Variants in RNASEH2B observed in about 807,000 individuals in gnomAD.
RNASEH2B encodes the protein ribonuclease H2 subunit B.
A neutral mutation model predicts 45.0 loss-of-function variants in RNASEH2B; 36 were observed. That is an observed-to-expected ratio of 0.80 (90% CI 0.61 to 1.06). The LOEUF (loss-of-function observed/expected upper bound fraction) is 1.06, where lower values mean the gene tolerates loss of function less well. RNASEH2B is among the 50% of genes least tolerant of loss of function. RNASEH2B has a pLI of 0.00. For missense variants in RNASEH2B, 361 were observed against 360.3 expected, an observed-to-expected ratio of 1.00 and a Z score of -0.02; for synonymous variants, 119 against 125.7, an observed-to-expected ratio of 0.95 and a Z score of 0.35.
intron 4 of RNASEH2B, among the ~76,000 whole-genome samples, chr13:50,933,662 G>A (rs146842014): frequency 0.012 from 1,844 of 152,218 alleles, 32 homozygotes; most frequent in African/African-American, 0.043. Flanking sequence ...TTCCTTCAAT[G>A]TATATATGGT....
intron 9 of RNASEH2B, among the ~76,000 whole-genome samples, chr13:50,964,203 T>TA (rs905856630): frequency 6.6e-6 from 1 of 151,524 alleles, no homozygotes; most frequent in Non-Finnish European, 1.5e-5. Context: ...CATCTCAAAA[T>TA]AAAAAAAAGA....
At chr13:50,929,415 T>G (rs980587217) in intron 2 of RNASEH2B, 60 bp from the exon 3 acceptor site, 58 of 965,370 alleles carry the variant, frequency 6.0e-5, no homozygotes, top group African/African-American at 1.3e-4. Flanking sequence ...TTTTGGGGTG[T>G]GTGTGTGTTT....
Position 50,954,144 on chromosome 13 carries a change from A to G in RNASEH2B, c.822+159A>G. 8.8e-6 allele frequency: 6 copies of G among 679,826 alleles called. No individual in the cohort carries two copies. The South Asian group carries it at 9.6e-5, about 11-fold the overall frequency. 42.1% of individuals were successfully genotyped at this position (679,826 alleles called of 1,614,324 possible). A position where few individuals can be genotyped will look rare whatever the true frequency, so the allele number is the denominator to read the frequency against. On this transcript the variant is annotated intron_variant, in intron 10 of 10. Transcript: ENST00000336617. ...ACTTAATAATTAAGAATTGCATATG[A>G]CAATGAAAATGTTAAGCAACTAAGA... is the stretch of plus-strand genomic sequence containing the variant.
chr13:50,949,163 C>T, intron 8 of RNASEH2B: 1 of 306,584 alleles, frequency 3.3e-6, no homozygotes, highest in Non-Finnish European at 6.1e-6. Flanking sequence ...AGAAAAAATA[C>T]TCCAACACCG....
At chr13:50,968,788 G>C (rs1952190526) in intron 9 of RNASEH2B, among the ~76,000 whole-genome samples, 1 of 152,160 alleles carries the variant, frequency 6.6e-6, no homozygotes, top group South Asian at 2.1e-4. Flanking sequence ...TAATTCAGCT[G>C]TCAGTGTTTT....
chr13:50,953,496 G>A (rs776041961), intron 9 of RNASEH2B: 6 of 224,908 alleles, frequency 2.7e-5, no homozygotes, highest in Non-Finnish European at 5.3e-5. Flanking sequence ...AACTGGCCCA[G>A]GAGGTAAATG....
At chr13:50,961,071 G>A (rs1300175677), downstream of RNASEH2B, among the ~76,000 whole-genome samples, 4 of 152,106 alleles carry the variant, frequency 2.6e-5, no homozygotes, top group African/African-American at 9.7e-5. Context: ...GGAGTAATAT[G>A]TCTTTCTCAG....
At position 50,934,937 on chromosome 13, in the gene RNASEH2B, G is replaced by A. The variant is rs1318402338; in HGVS notation, c.374G>A (p.Cys125Tyr). 8 of 1,613,886 alleles carry A rather than the reference G, an allele frequency of 5.0e-6. No individual in the cohort carries two copies. The Admixed American group carries it at 1.2e-4, about 24-fold the overall frequency. The stretch of plus-strand genomic sequence containing the variant: ...GTGGTGGATAACGTGTTTCCAAATT[G>A]CATCTTGTTGCTGAAACTTCCTGGA... Reference protein sequence around the residue: ...QVVVDNVFPNCILLLKLPGLE... With the variant: ...QVVVDNVFPNYILLLKLPGLE... The change falls in exon 5 of 11, where the codon TGC becomes TAC. Residue 125 changes from cysteine (C) to tyrosine (Y), a missense_variant. Cys to Tyr is a radical substitution (Grantham distance 194). Coordinates refer to ENST00000336617, the MANE Select transcript of RNASEH2B (RefSeq NM_024570.4).
rs1952056016 is a variant in RNASEH2B, at chr13:50,956,667, C to T, written c.*193C>T. 2 of 1,345,646 alleles carry T rather than the reference C, an allele frequency of 1.5e-6. No individual in the cohort carries two copies. Among genetic ancestry groups the T allele is most frequent in the Non-Finnish European group, 1.9e-6 (2 of 1,042,878 alleles). 83.4% of individuals were successfully genotyped at this position (1,345,646 alleles called of 1,614,324 possible). A position where few individuals can be genotyped will look rare whatever the true frequency, so the allele number is the denominator to read the frequency against. ...AAGTGTCTAACTTCATGGCTATGGC[C>T]TTTTGGAGTCTCATCTGACATAATG... On this transcript the variant is annotated 3_prime_UTR_variant, in exon 11 of 11. Transcript: ENST00000336617.
chr13:50,960,779 G>A (rs910066994), downstream of RNASEH2B, among the ~76,000 whole-genome samples: 8 of 152,188 alleles, frequency 5.3e-5, no homozygotes, highest in Non-Finnish European at 1.0e-4. Context: ...TTAGGCTTTA[G>A]CGTTAGAATT....
chr13:50,932,550 A>G (rs1192708541), intron 4 of RNASEH2B, among the ~76,000 whole-genome samples: 3 of 152,216 alleles, frequency 2.0e-5, no homozygotes, highest in Non-Finnish European at 4.4e-5. Context: ...TTTACCCACC[A>G]TTGCATTTGA....
intron 1 of RNASEH2B, chr13:50,910,367 T>A: frequency 2.7e-6 from 1 of 377,004 alleles, no homozygotes; most frequent in East Asian, 4.1e-5. Context: ...CGGGCCCTGA[T>A]CCCCGGTGGC....
intron 1 of RNASEH2B, among the ~76,000 whole-genome samples, chr13:50,925,552 ATAGT>A (rs779837767): frequency 2.6e-4 from 39 of 152,320 alleles, no homozygotes; most frequent in Admixed American, 4.6e-4. Context: ...AGTCCAGCAA[ATAGT>A]TAGGGCTGAC....
At chr13:50,927,671 T>G (rs1269334929) in intron 2 of RNASEH2B, among the ~76,000 whole-genome samples, 193 bp downstream of exon 2, 3 of 152,200 alleles carry the variant, frequency 2.0e-5, no homozygotes. Context: ...TTTTAAAAAT[T>G]TCTTCTCATA....
intron 6 of RNASEH2B, among the ~76,000 whole-genome samples, chr13:50,943,801 C>A (rs1190926903): frequency 1.3e-5 from 2 of 152,128 alleles, no homozygotes; most frequent in African/African-American, 4.8e-5. Flanking sequence ...CAAAGGTGTT[C>A]AGGTTTAGAG....
At chr13:50,910,334 C>A in intron 1 of RNASEH2B, 194 bp downstream of exon 1, 1 of 413,244 alleles carries the variant, frequency 2.4e-6, no homozygotes, top group Non-Finnish European at 4.2e-6. Flanking sequence ...CCGGAAGCGC[C>A]GAAAAGGACC....
Position 50,924,567 on chromosome 13 carries a change from G to GT in RNASEH2B, c.65-2832dup, listed in dbSNP as rs1335956048. ...ATATAGACAATTGAACAATAACAGT[G>GT]TTTTTTTTAGAGAAAGAGTCTCAGT... On this transcript the variant is annotated intron_variant, in intron 1 of 10. Coordinates refer to ENST00000336617, the MANE Select transcript of RNASEH2B (RefSeq NM_024570.4). Among the ~76,000 whole-genome samples the GT allele has an allele frequency of 7.9e-5, 12 of 152,032 alleles. No individual in the cohort carries two copies. The South Asian group carries it at 1.2e-3, about 16-fold the overall frequency.
intron 1 of RNASEH2B, chr13:50,915,406 T>G (rs958422811): frequency 4.3e-5 from 17 of 398,472 alleles, no homozygotes; most frequent in African/African-American, 3.1e-4. Flanking sequence ...TACTTATCCT[T>G]TAAACCCAGC....
At chr13:50,953,847 T>C (rs866929388) in intron 9 of RNASEH2B, 58 bp from the exon 10 acceptor site, 2 of 1,159,152 alleles carry the variant, frequency 1.7e-6, no homozygotes, top group Middle Eastern at 3.9e-4. Flanking sequence ...TTTTTTTTAA[T>C]GGATTGATGT....
Sources: gnomAD v4.1 joint callset for allele counts (sites outside exome capture counted in the v4.1 genomes callset) on GRCh38, gnomAD v4.1.1 for gene constraint, MANE v1.5 for transcripts, NCBI Gene and HGNC (gene_info 2026-07-23, HGNC 2026-07-21) for gene names.